B4GALT6: variants seen among roughly 807,000 people sequenced by gnomAD.
B4GALT6 encodes UDP-Gal:beta-GlcNAc beta-1,4-galactosyltransferase 6.
Under a neutral mutation model 46.3 loss-of-function variants are expected in B4GALT6, and 14 were observed. The observed-to-expected ratio is 0.30, with a 90% CI of 0.20 to 0.47. B4GALT6 has a LOEUF of 0.47. Among genes scored for constraint, B4GALT6 ranks in the 20% least tolerant of loss-of-function variants. The probability of loss-of-function intolerance (pLI) is 0.99; values close to 1 mark genes in which losing one functional copy is unlikely to be tolerated. For synonymous variants in B4GALT6, 168 were observed against 162.0 expected (o/e 1.04, Z -0.28); for missense variants, 386 against 480.1 (o/e 0.80, Z 1.83).
the B4GALT6 span, among the ~76,000 whole-genome samples, chr18:31,707,704 T>G: frequency 6.6e-6 from 1 of 152,146 alleles, no homozygotes; most frequent in Non-Finnish European, 1.5e-5. Flanking sequence ...TTTTAAAAAT[T>G]TCCCCCCCAC....
chr18:31,720,643 A>C, the B4GALT6 span, among the ~76,000 whole-genome samples: 1 of 152,180 alleles, frequency 6.6e-6, no homozygotes, highest in Admixed American at 6.5e-5. Flanking sequence ...TGGAACATTG[A>C]CCTGAATGAG....
At chr18:31,724,428 C>T in the B4GALT6 span, 2 of 1,050,596 alleles carry the variant, frequency 1.9e-6, no homozygotes, top group African/African-American at 1.7e-5. Flanking sequence ...CCTCCGATCT[C>T]CCACGCGAAT....
At chr18:31,710,845 C>CACACACACACACACACAT in the B4GALT6 span, among the ~76,000 whole-genome samples, 1 of 151,896 alleles carries the variant, frequency 6.6e-6, no homozygotes, top group Non-Finnish European at 1.5e-5. Flanking sequence ...CACACACACA[C>CACACACACACACACACAT]ACACTATAAT....
At chr18:31,713,460 C>T in the B4GALT6 span, among the ~76,000 whole-genome samples, 1 of 152,084 alleles carries the variant, frequency 6.6e-6, no homozygotes, top group Admixed American at 6.6e-5. Context: ...ATACAAGGTC[C>T]CTACCATTAC....
rs145047251 is a variant in B4GALT6, at chr18:31,653,057, T to C, written c.346+4919A>G. Reference sequence around the variant, plus strand: ...TTGCCCCTAGACCCTTTGAAAATCATGCACTGTCACCTGAGAGAAATGCAT... The same window carrying C: ...TTGCCCCTAGACCCTTTGAAAATCACGCACTGTCACCTGAGAGAAATGCAT... On this transcript the variant is annotated intron_variant, in intron 3 of 8. Transcript: ENST00000306851. 3.8e-3 allele frequency among the ~76,000 whole-genome samples: 581 copies of C among 151,724 alleles called. 2 individuals carry two copies. Among genetic ancestry groups the C allele is most frequent in the Middle Eastern group, 0.01 (3 of 294 alleles).
At chr18:31,685,377 G>A (rs1437881625), upstream of B4GALT6, among the ~76,000 whole-genome samples, 1 of 151,596 alleles carries the variant, frequency 6.6e-6, no homozygotes, top group Admixed American at 6.6e-5. Context: ...GAAAGAGGCG[G>A]ACGTGAAGGG....
chr18:31,651,076 T>C (rs1464589571), intron 3 of B4GALT6, among the ~76,000 whole-genome samples: 1 of 152,124 alleles, frequency 6.6e-6, no homozygotes, highest in Admixed American at 6.5e-5. Flanking sequence ...CCCAGCTGCA[T>C]TTTTAACAAG....
intron 1 of B4GALT6, among the ~76,000 whole-genome samples, chr18:31,673,372 G>T (rs2074379394): frequency 6.6e-6 from 1 of 152,124 alleles, no homozygotes; most frequent in Admixed American, 6.5e-5. Flanking sequence ...GGTTAAGAAG[G>T]CGTGGTCTGG....
intron 6 of B4GALT6, among the ~76,000 whole-genome samples, chr18:31,630,114 GGGA>G (rs1210224368): frequency 6.7e-6 from 1 of 149,698 alleles, no homozygotes; most frequent in Non-Finnish European, 1.5e-5. Flanking sequence ...AGCGGGAGTG[GGGA>G]GGAGGAGTGG....
the B4GALT6 span, among the ~76,000 whole-genome samples, chr18:31,712,319 T>C: frequency 1.3e-5 from 1 of 79,872 alleles, no homozygotes; most frequent in African/African-American, 3.8e-5. Context: ...TTTTTTTTTT[T>C]GTAGACAGGG....
At chr18:31,704,030 T>A in the B4GALT6 span, among the ~76,000 whole-genome samples, 3 of 152,064 alleles carry the variant, frequency 2.0e-5, no homozygotes, top group South Asian at 6.2e-4. Context: ...AAAATAACAT[T>A]AATGACAACA....
At chr18:31,691,053 C>G in the B4GALT6 span, among the ~76,000 whole-genome samples, 1 of 151,884 alleles carries the variant, frequency 6.6e-6, no homozygotes, top group Non-Finnish European at 1.5e-5. Context: ...GGGCTTAAAA[C>G]CTAGATGACG....
intron 4 of B4GALT6, among the ~76,000 whole-genome samples, chr18:31,643,848 T>C (rs989600653): frequency 3.3e-5 from 5 of 152,212 alleles, no homozygotes; most frequent in African/African-American, 1.2e-4. Flanking sequence ...ACCTGAGGGG[T>C]GTGCTACATT....
At chr18:31,680,740 T>C (rs537834810) in intron 1 of B4GALT6, among the ~76,000 whole-genome samples, 1 of 152,358 alleles carries the variant, frequency 6.6e-6, no homozygotes, top group African/African-American at 2.4e-5. Flanking sequence ...TAAAGCTGTA[T>C]GAACAAAGAC....
At chr18:31,696,596 C>T in the B4GALT6 span, among the ~76,000 whole-genome samples, 10 of 152,346 alleles carry the variant, frequency 6.6e-5, no homozygotes, top group South Asian at 2.1e-3. Context: ...AATTTAGCTT[C>T]TCTCCAAATA....
chr18:31,652,618 G>A (rs1021565596), intron 3 of B4GALT6, among the ~76,000 whole-genome samples: 11 of 152,044 alleles, frequency 7.2e-5, no homozygotes, highest in East Asian at 1.9e-4. Context: ...CAAACAAAAC[G>A]GCCCAAACGG....
intron 3 of B4GALT6, among the ~76,000 whole-genome samples, chr18:31,652,221 T>C (rs894714494): frequency 6.6e-6 from 1 of 152,208 alleles, no homozygotes; most frequent in African/African-American, 2.4e-5. Flanking sequence ...ACCTACAGTC[T>C]ACATACACTT....
upstream of B4GALT6, among the ~76,000 whole-genome samples, chr18:31,690,693 A>T (rs1437695445): frequency 2.0e-5 from 3 of 150,042 alleles, no homozygotes; most frequent in African/African-American, 2.5e-5. Flanking sequence ...CTGGTCTCAA[A>T]CTCCTGACCT....
chr18:31,665,686 G>A (rs1283767356), intron 2 of B4GALT6, among the ~76,000 whole-genome samples: 2 of 152,186 alleles, frequency 1.3e-5, no homozygotes, highest in Non-Finnish European at 2.9e-5. Flanking sequence ...AGCTTGCAGT[G>A]AGCCAAGATT....
Sources: gnomAD v4.1 joint callset for allele counts (sites outside exome capture counted in the v4.1 genomes callset) on GRCh38, gnomAD v4.1.1 for gene constraint, MANE v1.5 for transcripts, NCBI Gene and HGNC (gene_info 2026-07-23, HGNC 2026-07-21) for gene names.